The following WDR17 variants were observed in gnomAD, a reference collection of about 807,000 sequenced individuals.
WDR17 encodes WD repeat domain 17.
Under a neutral mutation model 161.7 loss-of-function variants are expected in WDR17, and 143 were observed. The observed-to-expected ratio is 0.88, with a 90% CI of 0.77 to 1.02. The LOEUF is 1.02. WDR17 is among the 50% of genes least tolerant of loss of function. The pLI, the probability that WDR17 is intolerant of heterozygous loss-of-function variation, is 0.00. For missense variants in WDR17, 1,469 were observed against 1,520.9 expected (o/e 0.97, Z 0.57); for synonymous variants, 517 against 515.6 (o/e 1.00, Z -0.04).
At chr4:176,071,776 T>C (rs1347577426) in intron 1 of WDR17, among the ~76,000 whole-genome samples, 1 of 152,222 alleles carries the variant, frequency 6.6e-6, no homozygotes, top group Non-Finnish European at 1.5e-5. Flanking sequence ...AGCATCTGGG[T>C]AAGTCTAGTT....
At chr4:176,096,841 G>A (rs1390581274) in intron 1 of WDR17, among the ~76,000 whole-genome samples, 1 of 151,244 alleles carries the variant, frequency 6.6e-6, no homozygotes, top group African/African-American at 2.4e-5. Flanking sequence ...ATTCTCTTAG[G>A]CTTTAAATAT....
rs1752266259 is a variant in WDR17, at chr4:176,182,580, T to G, written c.*3001T>G. 1 of 152,018 alleles carries G rather than the reference T, an allele frequency of 6.6e-6. No individual in the cohort carries two copies. The highest frequency in any genetic ancestry group is 1.5e-5 in the Non-Finnish European group (1 of 67,984). 9.4% of individuals were successfully genotyped at this position (152,018 alleles called of 1,614,324 possible). Reference sequence around the variant, plus strand: ...AAGCCTCACAAATTATTTGTAAAATTTAGTAGTTCATATTTAGTATATCAG... The same window carrying G: ...AAGCCTCACAAATTATTTGTAAAATGTAGTAGTTCATATTTAGTATATCAG... On this transcript the variant is annotated 3_prime_UTR_variant, in exon 29 of 29. Transcript: ENST00000508596. This position sits in a 1 kb window ranked among gnomAD's most constrained non-coding sequence, Gnocchi z 4.2.
chr4:176,083,884 C>G (rs915075403), intron 1 of WDR17, among the ~76,000 whole-genome samples: 35 of 152,102 alleles, frequency 2.3e-4, no homozygotes, highest in Admixed American at 2.1e-3. Context: ...AGCAGTATCT[C>G]TTTGCAGTTT....
chr4:176,152,270 G>C (rs1027545208), intron 17 of WDR17, among the ~76,000 whole-genome samples: 1 of 125,096 alleles, frequency 8.0e-6, no homozygotes, highest in African/African-American at 3.2e-5. Context: ...ACTCCAGCCT[G>C]GGCTACAGAA....
In WDR17 at chr4:176,179,754, T is replaced by A. The variant is rs997219710; in HGVS notation, c.*175T>A. The A allele has an allele frequency of 5.7e-5, 17 of 297,526 alleles. No homozygotes were observed. The highest frequency in any genetic ancestry group is 2.9e-4 in the African/African-American group (13 of 45,124). 18.4% of individuals were successfully genotyped at this position (297,526 alleles called of 1,614,324 possible). On this transcript the variant is annotated 3_prime_UTR_variant, in exon 29 of 29. Coordinates refer to ENST00000508596, the MANE Select transcript of WDR17 (RefSeq NM_181265.4). ...TAACTTCAAAATATATATATATATA[T>A]AATTTAAAGGAAAAATAGGTGCCTC...
intron 6 of WDR17, among the ~76,000 whole-genome samples, chr4:176,130,597 T>C (rs1743243700): frequency 6.6e-6 from 1 of 151,196 alleles, no homozygotes; most frequent in Non-Finnish European, 1.5e-5. Flanking sequence ...ACAAAAAAAT[T>C]AGCCGGGCGT....
chr4:176,169,891 T>A (rs1243437417), intron 23 of WDR17, among the ~76,000 whole-genome samples: 1 of 152,098 alleles, frequency 6.6e-6, no homozygotes, highest in African/African-American at 2.4e-5. Flanking sequence ...CTGTGAATTA[T>A]TTTTTTTAAA....
intron 1 of WDR17, among the ~76,000 whole-genome samples, chr4:176,107,375 G>T (rs1738914342): frequency 6.7e-6 from 1 of 149,924 alleles, no homozygotes; most frequent in Non-Finnish European, 1.5e-5. Context: ...CAGTATGGTA[G>T]TTTTGCAAAA....
chr4:176,147,928 C>T (rs908725446), intron 12 of WDR17, among the ~76,000 whole-genome samples: 1 of 151,952 alleles, frequency 6.6e-6, no homozygotes, highest in African/African-American at 2.4e-5. Flanking sequence ...TTTAATTATT[C>T]CACATTGTAA....
At chr4:176,131,761 A>G in intron 7 of WDR17, 23 bp downstream of exon 7, 1 of 1,515,166 alleles carries the variant, frequency 6.6e-7, no homozygotes, top group South Asian at 1.4e-5. Flanking sequence ...TCATTCCTTT[A>G]TTATACATAA....
chr4:176,114,149 A>G (rs1330026301), intron 2 of WDR17, among the ~76,000 whole-genome samples: 1 of 152,064 alleles, frequency 6.6e-6, no homozygotes, highest in African/African-American at 2.4e-5. Context: ...TTTTGGATAC[A>G]TTAGATACAC....
At chr4:176,133,803 A>T (rs1743945737) in intron 7 of WDR17, among the ~76,000 whole-genome samples, 1 of 151,660 alleles carries the variant, frequency 6.6e-6, no homozygotes, top group African/African-American at 2.4e-5. Context: ...ATTAATAAAC[A>T]TTCTAAAAGG....
At chr4:176,135,645 G>A (rs1184178630) in intron 8 of WDR17, among the ~76,000 whole-genome samples, 1 of 151,564 alleles carries the variant, frequency 6.6e-6, no homozygotes, top group Admixed American at 6.6e-5. Context: ...TATATATCAA[G>A]TAACAGTTCA....
At chr4:176,086,587 A>G (rs990539146) in intron 1 of WDR17, among the ~76,000 whole-genome samples, 1 of 151,692 alleles carries the variant, frequency 6.6e-6, no homozygotes, top group African/African-American at 2.4e-5. Context: ...CTCAAAATCT[A>G]TTTTATCTTT....
intron 5 of WDR17, among the ~76,000 whole-genome samples, chr4:176,126,293 G>A (rs1421145519): frequency 6.6e-6 from 1 of 152,116 alleles, no homozygotes; most frequent in Admixed American, 6.5e-5. Context: ...TGGGGGAATT[G>A]AGGAATAATT....
chr4:176,158,581 A>G (rs1397752751), intron 18 of WDR17, among the ~76,000 whole-genome samples: 1 of 152,224 alleles, frequency 6.6e-6, no homozygotes, highest in Non-Finnish European at 1.5e-5. Flanking sequence ...GCATTGTTCA[A>G]TAGCCAGTCT....
intron 1 of WDR17, among the ~76,000 whole-genome samples, chr4:176,101,364 A>T (rs1737799815): frequency 6.6e-6 from 1 of 152,170 alleles, no homozygotes; most frequent in African/African-American, 2.4e-5. Flanking sequence ...GCCTATTTAC[A>T]GCACTTTCTT....
At chr4:176,118,030 T>G (rs1171640246) in intron 3 of WDR17, among the ~76,000 whole-genome samples, 1 of 152,172 alleles carries the variant, frequency 6.6e-6, no homozygotes, top group Non-Finnish European at 1.5e-5. Flanking sequence ...CTTTTGTTTC[T>G]AATAATCTAA....
chr4:176,076,751 C>T (rs1022666699), intron 1 of WDR17, among the ~76,000 whole-genome samples: 1 of 151,844 alleles, frequency 6.6e-6, no homozygotes, highest in African/African-American at 2.4e-5. Flanking sequence ...TTTATCTTAG[C>T]TGATAGTATG....
Sources: allele counts gnomAD v4.1 joint callset (sites outside exome capture counted in the v4.1 genomes callset), GRCh38; gene constraint gnomAD v4.1.1; non-coding constraint Gnocchi (gnomAD v3.1); transcripts MANE v1.5; gene names NCBI Gene and HGNC (gene_info 2026-07-23, HGNC 2026-07-21).